The following GGA2 variants were observed in gnomAD, a reference collection of about 807,000 sequenced individuals.
GGA2 encodes the protein golgi associated, gamma adaptin ear containing, ARF binding protein 2.
A neutral mutation model predicts 79.5 loss-of-function variants in GGA2; 48 were observed. That is an observed-to-expected ratio of 0.60 (90% CI 0.48 to 0.77). GGA2 has a LOEUF of 0.77. GGA2 is among the 30% of genes least tolerant of loss of function. GGA2 has a pLI of 0.00. For missense variants in GGA2, 770 were observed against 774.0 expected (o/e 0.99, Z 0.06); for synonymous variants, 317 against 302.0 (o/e 1.05, Z -0.51).
chr16:23,504,929 G>A lies in GGA2; in HGVS notation c.91+5392C>T, dbSNP rs963121185. Among the ~76,000 whole-genome samples, 3 of 152,256 alleles carry A rather than the reference G, an allele frequency of 2.0e-5. No homozygotes were observed. In the South Asian group the frequency reaches 6.2e-4, roughly 32 times the overall value. ...GAGACCTCCGGCTGTGAGTGAAATGGCTCATCCAAGAGTGACTAATTCAGA... is the reference window on the plus strand; with the variant it reads ...GAGACCTCCGGCTGTGAGTGAAATGACTCATCCAAGAGTGACTAATTCAGA... On this transcript the variant is annotated intron_variant, in intron 1 of 16. Transcript: ENST00000309859.
At chr16:23,497,742 G>A (rs1964874404) in intron 1 of GGA2, among the ~76,000 whole-genome samples, 1 of 152,164 alleles carries the variant, frequency 6.6e-6, no homozygotes, top group South Asian at 2.1e-4. Context: ...CCTCTGAACA[G>A]ATATTTTATC....
intron 13 of GGA2, among the ~76,000 whole-genome samples, chr16:23,477,477 C>T (rs997346772): frequency 6.6e-6 from 1 of 152,176 alleles, no homozygotes. Flanking sequence ...AGTGTGGTGG[C>T]TCATGCCTGT....
chr16:23,465,592 C>T lies in GGA2; in HGVS notation c.*1998G>A. On this transcript the variant is annotated 3_prime_UTR_variant, in exon 17 of 17. Transcript: ENST00000309859. The stretch of plus-strand genomic sequence containing the variant: ...GACCAAAACCCTTCAGAGGGAGATG[C>T]TGTCATTATGATGGGTACCTCTTCA... The T allele has an allele frequency of 1.7e-6, 1 of 604,118 alleles. No individual in the cohort carries two copies. Among genetic ancestry groups the T allele is most frequent in the Non-Finnish European group, 3.0e-6 (1 of 337,786 alleles). 37.4% of individuals were successfully genotyped at this position (604,118 alleles called of 1,614,324 possible). A position where few individuals can be genotyped will look rare whatever the true frequency, so the allele number is the denominator to read the frequency against.
At chr16:23,523,058 A>T (rs1965166631), upstream of GGA2, 1 of 152,232 alleles carries the variant, frequency 6.6e-6, no homozygotes, top group Admixed American at 6.5e-5. Context: ...ACTTACCCTC[A>T]GAAGTCAAAC....
intron 14 of GGA2, among the ~76,000 whole-genome samples, chr16:23,471,366 T>C (rs1214522162): frequency 6.6e-6 from 1 of 152,068 alleles, no homozygotes; most frequent in African/African-American, 2.4e-5. Flanking sequence ...TAATGTTTAT[T>C]TGAGGGGGGA....
chr16:23,509,743 C>T (rs75057100), intron 1 of GGA2, among the ~76,000 whole-genome samples: 13 of 148,636 alleles, frequency 8.7e-5, no homozygotes, highest in Admixed American at 1.3e-4. Flanking sequence ...AAAAAAAACA[C>T]ACATATATAT....
At chr16:23,503,684 C>T (rs997466419) in intron 1 of GGA2, among the ~76,000 whole-genome samples, 6 of 152,236 alleles carry the variant, frequency 3.9e-5, no homozygotes, top group African/African-American at 1.4e-4. Flanking sequence ...GTGCCCTGCA[C>T]TTTAGCTCCA....
chr16:23,507,281 AC>A lies in GGA2; in HGVS notation c.91+3039del, dbSNP rs1964983715. 4.6e-5 allele frequency among the ~76,000 whole-genome samples: 7 copies of A among 152,210 alleles called. No individual in the cohort carries two copies. The South Asian group carries it at 1.5e-3, about 32-fold the overall frequency. On this transcript the variant is annotated intron_variant, in intron 1 of 16. Transcript: ENST00000309859. ...CAGGAAGATCTAGCAACTTTGGGAC[AC>A]TGCCCCCAAAAGCTGGAGCTTAATA...
intron 1 of GGA2, chr16:23,501,351 G>A: frequency 2.2e-6 from 1 of 456,840 alleles, no homozygotes; most frequent in South Asian, 1.6e-5. Context: ...GGTCTGTGGA[G>A]TGTGGATGAC....
rs571668590 is a variant in GGA2 at position 23,481,323 on chromosome 16, A to C, written c.881-553T>G. On this transcript the variant is annotated intron_variant, in intron 9 of 16. Transcript: ENST00000309859. The stretch of plus-strand genomic sequence containing the variant: ...AGGAGACGGAGGTTGCAGCGAGCTG[A>C]GATCGCACCATTGCACTCCAGCCGG... Among the ~76,000 whole-genome samples the C allele has an allele frequency of 4.3e-4, 66 of 152,312 alleles. No homozygotes were observed. The South Asian group carries it at 0.011, about 26-fold the overall frequency.
intron 5 of GGA2, among the ~76,000 whole-genome samples, chr16:23,491,306 C>CAAAAA (rs35347154): frequency 1.5e-5 from 1 of 66,496 alleles, no homozygotes; most frequent in African/African-American, 6.4e-5. Flanking sequence ...CACCTTGTCT[C>CAAAAA]AAAAAAAAAA....
At chr16:23,519,837 T>C (rs2032384208) in intron 1 of GGA2, among the ~76,000 whole-genome samples, 1 of 152,234 alleles carries the variant, frequency 6.6e-6, no homozygotes, top group Non-Finnish European at 1.5e-5. Flanking sequence ...CCTTTCATGG[T>C]TTCAGTTAGT....
intron 3 of GGA2, 125 bp from the exon 4 acceptor site, chr16:23,493,583 G>A: frequency 1.5e-6 from 1 of 664,176 alleles, no homozygotes. Flanking sequence ...AAGCCTATGA[G>A]GACACTGAAG....
intron 1 of GGA2, among the ~76,000 whole-genome samples, chr16:23,499,475 T>C (rs1401226031): frequency 1.3e-5 from 2 of 152,012 alleles, no homozygotes; most frequent in East Asian, 3.9e-4. Flanking sequence ...AGAAAAAACC[T>C]CTCTGAGGTT....
upstream of GGA2, among the ~76,000 whole-genome samples, chr16:23,511,740 C>T (rs1197296782): frequency 6.6e-6 from 1 of 152,062 alleles, no homozygotes; most frequent in Non-Finnish European, 1.5e-5. Flanking sequence ...TCATGATTAT[C>T]ATAATTATGA....
rs771308624 is a variant in GGA2 at position 23,478,401 on chromosome 16, T to G, written c.1259A>C (p.Asp420Ala). ...QNPSADRNLL[D>A]LLSAQPAPCP... ...CGGAGCTGGCTGTGCTGAGAGGAGG[T>G]CCAGCAAATTCCTGTCTGCAGAAGG... The change falls in exon 13 of 17, where the codon GAC becomes GCC. Residue 420 changes from aspartate (D) to alanine (A), a missense_variant. Coordinates refer to ENST00000309859, the MANE Select transcript of GGA2 (RefSeq NM_015044.4). 31 of 1,609,084 alleles carry G rather than the reference T, an allele frequency of 1.9e-5. No homozygotes were observed. The highest frequency in any genetic ancestry group is 2.6e-5 in the Non-Finnish European group (31 of 1,176,968).
In GGA2 at chr16:23,517,390, C is replaced by T. The variant is rs1448815433; in HGVS notation, c.61+2197G>A. ...GACTACAGGCGCCTGCCACTACGCC[C>T]GGCTAATTTTTTGTATTTTTAGTAG... On this transcript the variant is annotated intron_variant, in intron 2 of 5. Transcript: ENST00000569300. Among the ~76,000 whole-genome samples the T allele has an allele frequency of 5.3e-5, 2 of 37,848 alleles. 1 individual carries two copies. Among genetic ancestry groups the T allele is most frequent in the Non-Finnish European group, 1.2e-4 (2 of 16,818 alleles). 24.8% of individuals were successfully genotyped at this position (37,848 alleles called of 152,430 possible).
At chr16:23,486,418 C>A (rs1249252060) in intron 7 of GGA2, among the ~76,000 whole-genome samples, 1 of 152,234 alleles carries the variant, frequency 6.6e-6, no homozygotes, top group Non-Finnish European at 1.5e-5. Flanking sequence ...GATTCCTAAA[C>A]CTGGACTTTG....
At chr16:23,511,639 C>CTCTG (rs1326509615), upstream of GGA2, among the ~76,000 whole-genome samples, 5 of 152,080 alleles carry the variant, frequency 3.3e-5, no homozygotes, top group Admixed American at 2.6e-4. Flanking sequence ...TTCCTCAATA[C>CTCTG]TCTGCTTTAT....
Sources: allele counts gnomAD v4.1 joint callset (sites outside exome capture counted in the v4.1 genomes callset), GRCh38; gene constraint gnomAD v4.1.1; transcripts MANE v1.5; gene names NCBI Gene and HGNC (gene_info 2026-07-23, HGNC 2026-07-21).